RYR2: variants seen among roughly 807,000 people sequenced by gnomAD.
The protein encoded by RYR2 is ryanodine receptor 2, also known as cardiac muscle ryanodine receptor-calcium release channel.
Under a neutral mutation model 601.1 loss-of-function variants are expected in RYR2, and 227 were observed. The ratio of observed to expected loss-of-function variants is 0.38; its 90% confidence interval spans 0.34 to 0.42. The LOEUF (loss-of-function observed/expected upper bound fraction) is 0.42. Ranked by LOEUF, RYR2 falls within the 10% of genes least tolerant of loss-of-function variation. The pLI is 1.00. For missense variants in RYR2, 4,646 were observed against 6,156.5 expected, an observed-to-expected ratio of 0.75 and a Z score of 8.21; for synonymous variants, 2,223 against 2,175.1, an observed-to-expected ratio of 1.02 and a Z score of -0.61.
chr1:237,455,262 G>C (rs1658670553), intron 15 of RYR2, among the ~76,000 whole-genome samples: 1 of 152,046 alleles, frequency 6.6e-6, no homozygotes, highest in African/African-American at 2.4e-5. Flanking sequence ...AATCAGGCTT[G>C]TTCAGCTGGA....
chr1:237,258,484 G>T (rs1473765347), intron 1 of RYR2, among the ~76,000 whole-genome samples: 2 of 152,242 alleles, frequency 1.3e-5, no homozygotes, highest in South Asian at 2.1e-4. Flanking sequence ...TCAAGATAAG[G>T]AACTATGGGG....
chr1:237,395,908 G>A (rs937196343), intron 10 of RYR2, among the ~76,000 whole-genome samples: 1 of 152,118 alleles, frequency 6.6e-6, no homozygotes. Flanking sequence ...CTGATCACAC[G>A]TGTTGGTCTG....
intron 23 of RYR2, among the ~76,000 whole-genome samples, chr1:237,511,009 A>G (rs919315244): frequency 5.3e-5 from 8 of 152,196 alleles, no homozygotes; most frequent in Non-Finnish European, 1.2e-4. Flanking sequence ...CAAAGTGTTT[A>G]TGTCAGTCAG....
intron 27 of RYR2, among the ~76,000 whole-genome samples, chr1:237,557,192 G>A (rs536879496): frequency 1.3e-5 from 2 of 152,288 alleles, no homozygotes; most frequent in East Asian, 3.9e-4. Flanking sequence ...AGAGATGCTC[G>A]AGTGCCTTCA....
chr1:237,650,782 G>A (rs552728065), intron 50 of RYR2, among the ~76,000 whole-genome samples: 1 of 152,338 alleles, frequency 6.6e-6, no homozygotes, highest in Admixed American at 6.5e-5. Context: ...CCATGGGGGA[G>A]TGTCTGGGTT....
chr1:237,523,049 T>C lies in RYR2; in HGVS notation c.2823-7378T>C, dbSNP rs572392006. On this transcript the variant is annotated intron_variant, in intron 24 of 104. Coordinates refer to ENST00000366574, the MANE Select transcript of RYR2 (RefSeq NM_001035.3). ...ATCAAATAAAGTGGTTCAATAAAGA[T>C]GATACAGAAACCAAACACTTCATTC... Among the ~76,000 whole-genome samples the C allele has an allele frequency of 2.0e-5, 3 of 152,322 alleles. No homozygotes were observed. The East Asian group carries it at 5.8e-4, about 29-fold the overall frequency.
chr1:237,563,916 A>C (rs367908114), intron 27 of RYR2, among the ~76,000 whole-genome samples: 1 of 152,328 alleles, frequency 6.6e-6, no homozygotes, highest in African/African-American at 2.4e-5. Flanking sequence ...AAAAAACTGT[A>C]GTATAGTTTT....
chr1:237,217,573 G>T (rs181737003), intron 1 of RYR2, among the ~76,000 whole-genome samples: 2 of 152,286 alleles, frequency 1.3e-5, no homozygotes, highest in African/African-American at 4.8e-5. Context: ...ATAGCACCAA[G>T]TTCATAGGAC....
In RYR2 at chr1:237,500,809, T is replaced by G. The variant is rs751507066; in HGVS notation, c.2302T>G (p.Phe768Val). ...CLDLSAPSISFRINGQPVQGM... is the reference protein window; with the variant it reads ...CLDLSAPSISVRINGQPVQGM... Reference sequence around the variant, plus strand: ...AGATCTGAGTGCCCCAAGCATCTCGTTCCGAATTAATGGACAACCTGTTCA... The same window carrying G: ...AGATCTGAGTGCCCCAAGCATCTCGGTCCGAATTAATGGACAACCTGTTCA... The change falls in exon 21 of 105, where the codon TTC (phenylalanine) becomes GTC (valine). Residue 768 changes from phenylalanine (F) to valine (V), a missense_variant. By Grantham distance (50) the Phe-to-Val change is conservative (BLOSUM62 -1). Around this residue, in one of 17 missense-constraint regions of RYR2, gnomAD observed 1,807 missense variants for 2,088.1 expected, o/e 0.87. Coordinates refer to ENST00000366574, the MANE Select transcript of RYR2 (RefSeq NM_001035.3). The G allele has an allele frequency of 6.2e-7, 1 of 1,614,036 alleles. No homozygotes were observed. Among genetic ancestry groups the G allele is most frequent in the Non-Finnish European group, 8.5e-7 (1 of 1,179,900 alleles).
rs538943846 is a variant in RYR2 at position 237,075,333 on chromosome 1, A to T, written c.48+32764A>T. On this transcript the variant is annotated intron_variant, in intron 1 of 104. Coordinates refer to ENST00000366574, the MANE Select transcript of RYR2 (RefSeq NM_001035.3). Reference sequence around the variant, plus strand: ...GCTCCCAGCGTGAGCGACGCAGAAGACGGGTGATTTCTGCATTTCCATCTG... The same window carrying T: ...GCTCCCAGCGTGAGCGACGCAGAAGTCGGGTGATTTCTGCATTTCCATCTG... Among the ~76,000 whole-genome samples the T allele has an allele frequency of 8.0e-3, 1,218 of 151,400 alleles. 17 individuals are homozygous for T. The highest frequency in any genetic ancestry group is 0.028 in the African/African-American group (1,159 of 41,192).
Position 237,614,139 on chromosome 1 carries a change from C to A in RYR2, c.5011C>A (p.Arg1671=), listed in dbSNP as rs747404408. Residue 1671 remains arginine, a synonymous_variant, in exon 37 of 105, where the codon CGG becomes AGG. Transcript: ENST00000366574. The surrounding 1 kb of genome is among the most constrained non-coding windows in gnomAD (Gnocchi z 4.3). ...AGCCGTCTGTGCTCTTGGGAACCAC[C>A]GGGTGGCCCATGCCCTGTGCAGCCA... is the stretch of plus-strand genomic sequence containing the variant. ...YSAVCALGNH[R]VAHALCSHVD... 4 of 1,614,018 alleles carry A rather than the reference C, an allele frequency of 2.5e-6. No homozygotes were observed. The highest frequency in any genetic ancestry group is 1.1e-5 in the South Asian group (1 of 91,086).
At chr1:237,380,734 G>C (rs188858367) in intron 8 of RYR2, among the ~76,000 whole-genome samples, 26 of 151,940 alleles carry the variant, frequency 1.7e-4, no homozygotes, top group African/African-American at 6.0e-4. Context: ...TTTAGGCCAG[G>C]AGTTTAAGAC....
chr1:237,803,477 C>T lies in RYR2; in HGVS notation c.14151+1561C>T, dbSNP rs190577652. The stretch of plus-strand genomic sequence containing the variant: ...CACCACGCCCGGCTAATTTTTTGTA[C>T]TTTTAGTAGAGACGGGGTTTCACCA... On this transcript the variant is annotated intron_variant, in intron 98 of 104. Transcript: ENST00000366574. Among the ~76,000 whole-genome samples, 941 of 151,922 alleles carry T rather than the reference C, an allele frequency of 6.2e-3. 7 individuals carry two copies. The highest frequency in any genetic ancestry group is 0.027 in the Middle Eastern group (8 of 294).
In RYR2 at chr1:237,756,349, C is replaced by G. The variant is rs1209754420; in HGVS notation, c.11207C>G (p.Ala3736Gly). The change falls in exon 81 of 105, where the codon GCG becomes GGG. Residue 3736 changes from alanine to glycine, a missense_variant. Physicochemically the swap from Ala to Gly is moderately conservative, Grantham distance 60 (BLOSUM62 0). Transcript: ENST00000366574. ...YQQARLHDRGAAEMVLQTISA... is the reference protein window; with the variant it reads ...YQQARLHDRGGAEMVLQTISA... ...CAAGCCCGACTCCACGATCGTGGCG[C>G]GGCTGAGATGGTGCTACAGACAATC... 3 of 1,613,390 alleles carry G rather than the reference C, an allele frequency of 1.9e-6. No individual in the cohort carries two copies. The highest frequency in any genetic ancestry group is 2.5e-6 in the Non-Finnish European group (3 of 1,179,468).
At chr1:237,720,255 C>T (rs1359178754) in intron 73 of RYR2, among the ~76,000 whole-genome samples, 1 of 152,036 alleles carries the variant, frequency 6.6e-6, no homozygotes, top group Non-Finnish European at 1.5e-5. Flanking sequence ...ACGCAAATGT[C>T]AAAAAGTAGC....
At chr1:237,102,902 A>G (rs1668273205) in intron 1 of RYR2, among the ~76,000 whole-genome samples, 1 of 152,224 alleles carries the variant, frequency 6.6e-6, no homozygotes, top group African/African-American at 2.4e-5. Flanking sequence ...TTATTATAAA[A>G]TACACGTATA....
intron 1 of RYR2, among the ~76,000 whole-genome samples, chr1:237,262,495 G>C (rs1233943298): frequency 1.3e-5 from 2 of 151,776 alleles, no homozygotes; most frequent in Admixed American, 6.6e-5. Flanking sequence ...GGCCTCAGTT[G>C]ATCCACCCGC....
intron 2 of RYR2, among the ~76,000 whole-genome samples, chr1:237,286,671 C>G (rs943167342): frequency 2.0e-5 from 3 of 151,410 alleles, no homozygotes; most frequent in African/African-American, 7.3e-5. Context: ...TTTTTCCACC[C>G]CTTTACTTTA....
chr1:237,337,844 C>T (rs1359743743), intron 3 of RYR2, among the ~76,000 whole-genome samples: 2 of 152,180 alleles, frequency 1.3e-5, no homozygotes, highest in African/African-American at 2.4e-5. Context: ...GCTCTATGGC[C>T]GCCTTTACAA....
Sources: gnomAD v4.1 joint callset for allele counts (sites outside exome capture counted in the v4.1 genomes callset) on GRCh38, gnomAD v4.1.1 for gene constraint, gnomAD v4.1.1 regional missense constraint, Gnocchi (gnomAD v3.1) non-coding constraint, MANE v1.5 for transcripts, NCBI Gene and HGNC (gene_info 2026-07-23, HGNC 2026-07-21) for gene names.